ESRP1: variants seen among roughly 807,000 people sequenced by gnomAD.
ESRP1 encodes epithelial splicing regulatory protein 1.
Under a neutral mutation model 81.7 loss-of-function variants are expected in ESRP1, and 33 were observed. The ratio of observed to expected loss-of-function variants is 0.40; its 90% CI spans 0.31 to 0.54. The LOEUF (loss-of-function observed/expected upper bound fraction) is 0.54, where lower values mean the gene tolerates loss of function less well. Among genes scored for constraint, ESRP1 ranks in the 20% least tolerant of loss-of-function variants. The pLI, the probability that ESRP1 is intolerant of heterozygous loss-of-function variation, is 0.41. For missense variants in ESRP1, 672 were observed against 833.1 expected, an observed-to-expected ratio of 0.81 and a Z score of 2.38; for synonymous variants, 320 against 303.3, an observed-to-expected ratio of 1.06 and a Z score of -0.57.
rs116263406 is a variant in ESRP1, at chr8:94,667,772, G to A, written c.932-177G>A. Among the ~76,000 whole-genome samples, 222 of 152,298 alleles carry A rather than the reference G, an allele frequency of 1.5e-3. 1 individual carries two copies. Among genetic ancestry groups the A allele is most frequent in the African/African-American group, 5.1e-3 (213 of 41,556 alleles). On this transcript the variant is annotated intron_variant, in intron 9 of 15. Transcript: ENST00000433389. Reference sequence around the variant, plus strand: ...ATTAAGAAGGATGTTTTATGAAAAAGGGGAGGAGTTTCAAATTTAGAAAAT... The same window carrying A: ...ATTAAGAAGGATGTTTTATGAAAAAAGGGAGGAGTTTCAAATTTAGAAAAT...
chr8:94,676,317 A>G (rs1237660140), intron 12 of ESRP1, among the ~76,000 whole-genome samples: 1 of 147,220 alleles, frequency 6.8e-6, no homozygotes, highest in African/African-American at 2.5e-5. Flanking sequence ...GCGCCACTAT[A>G]CTTCAGCCTG....
chr8:94,686,050 C>A (rs1809126116), intron 13 of ESRP1, among the ~76,000 whole-genome samples: 1 of 152,094 alleles, frequency 6.6e-6, no homozygotes, highest in African/African-American at 2.4e-5. Flanking sequence ...TGGGTTCAAG[C>A]GATTCTCTTG....
rs7005489 is a variant in ESRP1 at position 94,701,869 on chromosome 8, G to T, written c.*36-4056G>T. The stretch of plus-strand genomic sequence containing the variant: ...TGTGCATGGAAGATTGCTTGAGCCT[G>T]GAAGTTCAAGAATAGCCTGGGCAAT... On this transcript the variant is annotated intron_variant, in intron 15 of 15. Coordinates refer to ENST00000433389, the MANE Select transcript of ESRP1 (RefSeq NM_017697.4). 7.6e-3 allele frequency among the ~76,000 whole-genome samples: 1,158 copies of T among 152,260 alleles called. 18 individuals carry two copies. The highest frequency in any genetic ancestry group is 0.026 in the African/African-American group (1,074 of 41,536).
At chr8:94,668,330 T>C (rs1819126381) in intron 10 of ESRP1, 80 bp downstream of exon 10, 1 of 1,334,220 alleles carries the variant, frequency 7.5e-7, no homozygotes, top group Non-Finnish European at 1.0e-6. Flanking sequence ...ACATTGCTCA[T>C]TATGTTAAAA....
At chr8:94,703,270 T>C (rs1012569691) in intron 15 of ESRP1, among the ~76,000 whole-genome samples, 1 of 151,952 alleles carries the variant, frequency 6.6e-6, no homozygotes. Flanking sequence ...TTCTCCTGCC[T>C]CAGCCTCCCG....
chr8:94,660,331 G>T (rs1429500200), intron 4 of ESRP1, among the ~76,000 whole-genome samples: 1 of 152,192 alleles, frequency 6.6e-6, no homozygotes, highest in African/African-American at 2.4e-5. Context: ...GGCCGGGGTG[G>T]TGACTCATGG....
intron 5 of ESRP1, 54 bp from the exon 6 acceptor site, chr8:94,662,447 A>G: frequency 1.9e-6 from 3 of 1,560,082 alleles, no homozygotes; most frequent in Non-Finnish European, 2.6e-6. Context: ...ATTTCCTCCT[A>G]CAACTTTGTC....
At chr8:94,691,395 C>T (rs2130712612) in intron 13 of ESRP1, among the ~76,000 whole-genome samples, 1 of 152,194 alleles carries the variant, frequency 6.6e-6, no homozygotes, top group South Asian at 2.1e-4. Flanking sequence ...GTTCAGGCTC[C>T]CATTATTTTT....
intron 6 of ESRP1, among the ~76,000 whole-genome samples, chr8:94,662,950 T>C (rs1391110710): frequency 1.3e-5 from 2 of 152,228 alleles, no homozygotes; most frequent in East Asian, 3.8e-4. Context: ...ATTCTTGTTA[T>C]ATTTGAGAAA....
chr8:94,703,708 C>T (rs1809940644), intron 15 of ESRP1, among the ~76,000 whole-genome samples: 1 of 152,146 alleles, frequency 6.6e-6, no homozygotes, highest in Admixed American at 6.6e-5. Context: ...TCCAAACTCA[C>T]TCTCTGAGAT....
chr8:94,687,732 T>G (rs1004006236), intron 13 of ESRP1, among the ~76,000 whole-genome samples: 7 of 152,204 alleles, frequency 4.6e-5, no homozygotes, highest in Admixed American at 3.3e-4. Flanking sequence ...TTAGGAGAAA[T>G]GTCTACTCAA....
intron 4 of ESRP1, among the ~76,000 whole-genome samples, chr8:94,647,013 T>C (rs1463273298): frequency 1.3e-5 from 2 of 152,206 alleles, no homozygotes; most frequent in African/African-American, 4.8e-5. Context: ...CAAAAGCCAC[T>C]GTGAGAGTCA....
chr8:94,672,158 T>C (rs1586215622), intron 11 of ESRP1, among the ~76,000 whole-genome samples: 1 of 152,216 alleles, frequency 6.6e-6, no homozygotes, highest in Non-Finnish European at 1.5e-5. Flanking sequence ...TCATATCTGT[T>C]CCAGAATATT....
In ESRP1 at chr8:94,706,048, C is replaced by A; in HGVS notation, c.*159C>A. The A allele has an allele frequency of 8.3e-7, 1 of 1,199,988 alleles. No individual in the cohort carries two copies. Among genetic ancestry groups the A allele is most frequent in the Non-Finnish European group, 1.2e-6 (1 of 865,506 alleles). The allele number at this position is 1,199,988 out of a possible 1,614,324, so 74.3% of individuals were successfully genotyped here. A position where few individuals can be genotyped will look rare whatever the true frequency, so the allele number is the denominator to read the frequency against. ...AGCAAACTTGATTGGACAAACGGGC[C>A]TGTGCCTTATCTTTTGGTGGAGTGA... On this transcript the variant is annotated 3_prime_UTR_variant, in exon 16 of 16. Coordinates refer to ENST00000433389, the MANE Select transcript of ESRP1 (RefSeq NM_017697.4).
intron 12 of ESRP1, among the ~76,000 whole-genome samples, chr8:94,677,590 A>G (rs1808696554): frequency 6.6e-6 from 1 of 152,170 alleles, no homozygotes; most frequent in African/African-American, 2.4e-5. Flanking sequence ...TTCTTTTTAA[A>G]GGTCTGAAGA....
intron 13 of ESRP1, among the ~76,000 whole-genome samples, chr8:94,679,141 A>T (rs1007985721): frequency 6.6e-6 from 1 of 152,242 alleles, no homozygotes; most frequent in Non-Finnish European, 1.5e-5. Flanking sequence ...ACTAAGGAGT[A>T]AGAGTTAGGG....
At chr8:94,678,181 G>T in intron 12 of ESRP1, 22 bp from the exon 13 acceptor site, 1 of 1,612,370 alleles carries the variant, frequency 6.2e-7, no homozygotes. Context: ...ATGTCTCAAA[G>T]AATCTCTCTT....
At chr8:94,696,618 T>G (rs936536300) in intron 14 of ESRP1, among the ~76,000 whole-genome samples, 1 of 152,196 alleles carries the variant, frequency 6.6e-6, no homozygotes, top group Admixed American at 6.5e-5. Flanking sequence ...TTTGTATGTG[T>G]GTGTAATCCA....
intron 9 of ESRP1, 93 bp from the exon 10 acceptor site, chr8:94,667,856 C>G (rs1819105974): frequency 3.7e-6 from 4 of 1,088,402 alleles, no homozygotes; most frequent in Non-Finnish European, 5.3e-6. Flanking sequence ...ATTATGAACT[C>G]AAGACATTGG....
Sources: gnomAD v4.1 joint callset for allele counts (sites outside exome capture counted in the v4.1 genomes callset) on GRCh38, gnomAD v4.1.1 for gene constraint, MANE v1.5 for transcripts, NCBI Gene and HGNC (gene_info 2026-07-23, HGNC 2026-07-21) for gene names.